The following TSHZ1 variants were observed in gnomAD, a reference collection of about 807,000 sequenced individuals.
The protein encoded by TSHZ1 is teashirt zinc finger homeobox 1, also known as teashirt homolog 1.
Under a neutral mutation model 67.1 loss-of-function variants are expected in TSHZ1, and 12 were observed. The ratio of observed to expected loss-of-function variants is 0.18; its 90% CI spans 0.11 to 0.29. The LOEUF is 0.29. Among genes scored for constraint, TSHZ1 ranks in the 10% least tolerant of loss-of-function variants. The pLI is 1.00. For synonymous variants in TSHZ1, 632 were observed against 622.4 expected (o/e 1.02, Z -0.23); for missense variants, 1,305 against 1,413.9 (o/e 0.92, Z 1.23).
At chr18:75,280,802 G>A (rs2023675534) in intron 1 of TSHZ1, 1 of 985,332 alleles carries the variant, frequency 1.0e-6, no homozygotes, top group African/African-American at 1.7e-5. Context: ...AGCTCTATGA[G>A]GAGGACAGAC....
Position 75,264,878 on chromosome 18 carries a change from A to T in TSHZ1, c.41-20570A>T, listed in dbSNP as rs143823652. On this transcript the variant is annotated intron_variant, in intron 1 of 1. Transcript: ENST00000580243. ...ATGAATTCTAGGCATTTTTTACTCA[A>T]TTACGCTTTAGGCAAAGATGTACTA... Among the ~76,000 whole-genome samples the T allele has an allele frequency of 1.8e-4, 28 of 152,342 alleles. 1 individual carries two copies. The highest frequency in any genetic ancestry group is 6.3e-4 in the African/African-American group (26 of 41,578).
chr18:75,223,988 A>C (rs999991244), intron 1 of TSHZ1, among the ~76,000 whole-genome samples: 1 of 151,696 alleles, frequency 6.6e-6, no homozygotes, highest in Non-Finnish European at 1.5e-5. Context: ...GCAGAGTGCA[A>C]ATCATTCGGG....
chr18:75,281,973 G>A lies in TSHZ1; in HGVS notation c.41-3475G>A, dbSNP rs73481991. Among the ~76,000 whole-genome samples the A allele has an allele frequency of 0.22, 33,270 of 152,074 alleles. 3,795 individuals are homozygous for A. The highest frequency in any genetic ancestry group is 0.3 in the Middle Eastern group (89 of 294). On this transcript the variant is annotated intron_variant, in intron 1 of 1. Coordinates refer to ENST00000580243, the MANE Select transcript of TSHZ1 (RefSeq NM_001308210.2). The surrounding 1 kb of genome is among the most constrained non-coding windows in gnomAD (Gnocchi z 5.3). ...CTTCTTCCCTGGGACATGAGTCCCC[G>A]TCCCTAGGGCAGGGACTTTATGGAC...
At position 75,289,082 on chromosome 18, in the gene TSHZ1, A is replaced by G. The variant is rs1462817424; in HGVS notation, c.*441A>G. On this transcript the variant is annotated 3_prime_UTR_variant, in exon 2 of 2. Transcript: ENST00000580243. ...TGTGCCTTTCACTTGAAAAAAAAAA[A>G]AGAAGAAAAAAAGGCTTAAAGGCAT... is the stretch of plus-strand genomic sequence containing the variant. The G allele has an allele frequency of 6.0e-6, 1 of 167,154 alleles. No individual in the cohort carries two copies. The highest frequency in any genetic ancestry group is 1.5e-5 in the Non-Finnish European group (1 of 68,444). The allele number at this position is 167,154 out of a possible 1,614,324, so 10.4% of individuals were successfully genotyped here.
chr18:75,270,164 TGTGGGGTGGACCATCTAG>T (rs2023540482), intron 1 of TSHZ1, among the ~76,000 whole-genome samples: 1 of 152,180 alleles, frequency 6.6e-6, no homozygotes, highest in Non-Finnish European at 1.5e-5. Flanking sequence ...CACCCCCGGC[TGTGGGGTGGACCATCTAG>T]GTAAAGCCCC....
At chr18:75,243,290 C>T (rs1444951099) in intron 1 of TSHZ1, among the ~76,000 whole-genome samples, 3 of 152,156 alleles carry the variant, frequency 2.0e-5, no homozygotes, top group Non-Finnish European at 2.9e-5. Context: ...TTCCAACAGC[C>T]ATTGTTGAGT....
intron 1 of TSHZ1, among the ~76,000 whole-genome samples, chr18:75,261,018 A>G (rs2122581243): frequency 6.6e-6 from 1 of 151,992 alleles, no homozygotes; most frequent in Non-Finnish European, 1.5e-5. Context: ...GGTGGGGTGT[A>G]TGGGCTTCCC....
chr18:75,288,550 G>C lies in TSHZ1; in HGVS notation c.3143G>C (p.Ser1048Thr). ...QCKLCNRTFA[S>T]KHAVKLHLSK... ...AAGCTCTGCAACCGGACTTTTGCGA[G>C]CAAGCACGCAGTCAAACTGCACCTT... The change falls in exon 2 of 2, where the codon AGC (serine) becomes ACC (threonine). Residue 1048 changes from serine to threonine, a missense_variant. By Grantham distance (58) the Ser-to-Thr change is moderately conservative. This residue lies in a region of TSHZ1 where 909 missense variants were observed against 961.8 expected (regional missense o/e 0.95). Transcript: ENST00000580243. The surrounding 1 kb of genome is among the most constrained non-coding windows in gnomAD (Gnocchi z 4.9). The C allele has an allele frequency of 3.1e-6, 5 of 1,614,234 alleles. No individual in the cohort carries two copies. Among genetic ancestry groups the C allele is most frequent in the Non-Finnish European group, 4.2e-6 (5 of 1,180,050 alleles).
intron 1 of TSHZ1, among the ~76,000 whole-genome samples, chr18:75,212,169 G>A (rs1183959225): frequency 1.3e-5 from 2 of 152,076 alleles, no homozygotes; most frequent in South Asian, 2.1e-4. Context: ...GGATGGCCGG[G>A]GGAGGCCGGG....
chr18:75,284,635 G>A (rs2023727390), intron 1 of TSHZ1: 2 of 152,218 alleles, frequency 1.3e-5, no homozygotes, highest in Admixed American at 6.5e-5. Flanking sequence ...CACGTGAGGT[G>A]AGCCATGCAG....
chr18:75,272,698 G>A (rs2023572410), intron 1 of TSHZ1, among the ~76,000 whole-genome samples: 1 of 152,168 alleles, frequency 6.6e-6, no homozygotes, highest in Admixed American at 6.5e-5. Flanking sequence ...AGAATATCAG[G>A]TCATCTAGCA....
intron 1 of TSHZ1, among the ~76,000 whole-genome samples, chr18:75,238,661 G>A (rs1403100423): frequency 6.6e-6 from 1 of 151,664 alleles, no homozygotes; most frequent in Non-Finnish European, 1.5e-5. Context: ...AGGATTTGGG[G>A]GGAGGGGAGT....
At chr18:75,276,295 T>TC (rs2023613030) in intron 1 of TSHZ1, among the ~76,000 whole-genome samples, 1 of 151,518 alleles carries the variant, frequency 6.6e-6, no homozygotes, top group Non-Finnish European at 1.5e-5. Flanking sequence ...TTCTATTGTT[T>TC]TTTTTTTTCT....
At chr18:75,252,792 A>G (rs904416346) in intron 1 of TSHZ1, among the ~76,000 whole-genome samples, 4 of 152,110 alleles carry the variant, frequency 2.6e-5, no homozygotes, top group African/African-American at 9.7e-5. Flanking sequence ...TCAATGAACA[A>G]TCTGCCTCTG....
chr18:75,247,660 T>G (rs2023240901), intron 1 of TSHZ1, among the ~76,000 whole-genome samples: 1 of 152,166 alleles, frequency 6.6e-6, no homozygotes, highest in Non-Finnish European at 1.5e-5. Flanking sequence ...AAGCCATTTT[T>G]GTAATTTTTC....
At chr18:75,279,151 G>A (rs961666931) in intron 1 of TSHZ1, among the ~76,000 whole-genome samples, 2 of 152,158 alleles carry the variant, frequency 1.3e-5, no homozygotes, top group East Asian at 1.9e-4. Flanking sequence ...TCAGGAGGGC[G>A]GGTTCGGGCT....
chr18:75,232,044 G>A (rs1048174912), intron 1 of TSHZ1, among the ~76,000 whole-genome samples: 5 of 151,862 alleles, frequency 3.3e-5, no homozygotes, highest in Non-Finnish European at 5.9e-5. Context: ...TCAGCCTCCC[G>A]AGTAGCTAGG....
intron 1 of TSHZ1, among the ~76,000 whole-genome samples, chr18:75,213,055 G>T (rs780259923): frequency 1.3e-5 from 2 of 152,204 alleles, no homozygotes; most frequent in African/African-American, 4.8e-5. Flanking sequence ...GTACAGAATA[G>T]AATCTGAATA....
chr18:75,235,066 G>A (rs1297960228), intron 1 of TSHZ1, among the ~76,000 whole-genome samples: 2 of 152,108 alleles, frequency 1.3e-5, no homozygotes, highest in African/African-American at 4.8e-5. Flanking sequence ...AGCCGTCAGC[G>A]TGTCACACCC....
Sources: gnomAD v4.1 joint callset for allele counts (sites outside exome capture counted in the v4.1 genomes callset) on GRCh38, gnomAD v4.1.1 for gene constraint, gnomAD v4.1.1 regional missense constraint, Gnocchi (gnomAD v3.1) non-coding constraint, MANE v1.5 for transcripts, NCBI Gene and HGNC (gene_info 2026-07-23, HGNC 2026-07-21) for gene names.